PRKAG3: variants seen among roughly 807,000 people sequenced by gnomAD.
PRKAG3 encodes protein kinase AMP-activated non-catalytic subunit gamma 3, also known as 5'-AMP-activated protein kinase subunit gamma-3.
PRKAG3 carries 39 observed loss-of-function variants against 56.5 expected under a neutral mutation model. The ratio of observed to expected loss-of-function variants is 0.69; its 90% CI spans 0.53 to 0.90. The LOEUF (loss-of-function observed/expected upper bound fraction) is 0.90. PRKAG3 is among the 40% of genes least tolerant of loss of function. The probability of loss-of-function intolerance (pLI) is 0.00; values close to 1 mark genes in which losing one functional copy is unlikely to be tolerated. For synonymous variants in PRKAG3, 243 were observed against 250.1 expected, an observed-to-expected ratio of 0.97 and a Z score of 0.27; for missense variants, 628 against 627.5, an observed-to-expected ratio of 1.00 and a Z score of -0.01.
At chr2:218,825,327 C>A (rs145167968) in intron 10 of PRKAG3, among the ~76,000 whole-genome samples, 1 of 139,604 alleles carries the variant, frequency 7.2e-6, no homozygotes, top group African/African-American at 2.9e-5. Flanking sequence ...CAGAGCAAGA[C>A]TCTGTCTCAA....
chr2:218,827,585 G>A lies in PRKAG3; in HGVS notation c.865C>T (p.Pro289Ser). The A allele has an allele frequency of 1.9e-6, 3 of 1,614,030 alleles. No homozygotes were observed. The highest frequency in any genetic ancestry group is 2.5e-6 in the Non-Finnish European group (3 of 1,179,932). ...AGCAGAGACACCCACCTATCATTAG[G>A]AGAGATGGAGACCAGAGGCTTGAAG... Residue 289 changes from proline (P) to serine (S), a missense_variant, in exon 8 of 13, where the codon CCT (proline) becomes TCT (serine). Transcript: ENST00000529249. This position sits in a 1 kb window ranked among gnomAD's most constrained non-coding sequence, Gnocchi z 5.3.
exon 4 of PRKAG3, chr2:218,830,304 C>G: frequency 6.2e-7 from 1 of 1,613,132 alleles, no homozygotes; most frequent in Non-Finnish European, 8.5e-7. Flanking sequence ...CCGGCAGGAT[C>G]AGCTTGAGCC....
intron 10 of PRKAG3, chr2:218,826,636 T>C (rs1943936070): frequency 2.4e-6 from 1 of 408,312 alleles, no homozygotes; most frequent in Admixed American, 3.6e-5. Flanking sequence ...GAAACTAAAA[T>C]CTGCTGCTTC....
chr2:218,826,378 C>T (rs1396600126), intron 10 of PRKAG3, among the ~76,000 whole-genome samples: 1 of 152,152 alleles, frequency 6.6e-6, no homozygotes, highest in Non-Finnish European at 1.5e-5. Flanking sequence ...TTTCTGCAGC[C>T]CTTTTTCAGT....
At chr2:218,825,102 C>T (rs750104928) in intron 10 of PRKAG3, among the ~76,000 whole-genome samples, 1 of 152,020 alleles carries the variant, frequency 6.6e-6, no homozygotes, top group Non-Finnish European at 1.5e-5. Flanking sequence ...CTTGGGAGGC[C>T]GAGGTGGGTG....
chr2:218,824,925 T>G (rs1215368520), intron 10 of PRKAG3, among the ~76,000 whole-genome samples: 2 of 152,202 alleles, frequency 1.3e-5, no homozygotes, highest in African/African-American at 4.8e-5. Context: ...TGGGGTATCC[T>G]ATAGGACAAC....
In PRKAG3 at chr2:218,830,585, A is replaced by T. The variant is rs1021433140; in HGVS notation, c.229+161T>A. On this transcript the variant is annotated intron_variant, in intron 3 of 12. Transcript: ENST00000529249. ...TGGCCATGCTGGCCTCTGGCACTGC[A>T]GTGCCTTGTTCTCTACTATGTAGGG... is the stretch of plus-strand genomic sequence containing the variant. Among the ~76,000 whole-genome samples the T allele has an allele frequency of 5.9e-5, 9 of 152,208 alleles. No individual in the cohort carries two copies. In the East Asian group the frequency reaches 1.5e-3, roughly 26 times the overall value.
chr2:218,824,878 A>C (rs1943908496), intron 10 of PRKAG3, among the ~76,000 whole-genome samples: 1 of 152,216 alleles, frequency 6.6e-6, no homozygotes, highest in Admixed American at 6.5e-5. Context: ...AACAAAGTAA[A>C]GGCCAGCTCT....
chr2:218,829,477 C>A (rs781485309), intron 4 of PRKAG3, among the ~76,000 whole-genome samples: 5 of 151,750 alleles, frequency 3.3e-5, no homozygotes, highest in Non-Finnish European at 5.9e-5. Flanking sequence ...CCCACCACCA[C>A]GGCCGGCTAA....
chr2:218,827,825 C>T lies in PRKAG3; in HGVS notation c.820+8G>A, dbSNP rs747685461. 3 of 1,613,968 alleles carry T rather than the reference C, an allele frequency of 1.9e-6. No homozygotes were observed. Among genetic ancestry groups the T allele is most frequent in the South Asian group, 1.1e-5 (1 of 91,070 alleles). ...AACAGCCCTTTCCGGGTTCCTCTCC[C>T]CACTCACCCCTCCAGGTCTCAATCT... On this transcript the variant is annotated splice_region_variant and intron_variant, in intron 7 of 12. Coordinates refer to ENST00000529249, the Ensembl canonical transcript of PRKAG3. This position sits in a 1 kb window ranked among gnomAD's most constrained non-coding sequence, Gnocchi z 5.3.
exon 4 of PRKAG3, chr2:218,830,159 C>G (rs565420674): frequency 3.7e-6 from 6 of 1,614,146 alleles, no homozygotes; most frequent in Non-Finnish European, 5.1e-6. Flanking sequence ...TTCCAGCAGG[C>G]CTTCTAGCTC....
intron 5 of PRKAG3, 59 bp from the exon 6 acceptor site, chr2:218,828,121 G>C: frequency 6.9e-7 from 1 of 1,449,614 alleles, no homozygotes; most frequent in African/African-American, 1.4e-5. Context: ...GGCAGGTTGA[G>C]GGTCAGATCC....
Position 218,830,911 on chromosome 2 carries a change from G to A in PRKAG3, c.74-10C>T, listed in dbSNP as rs759796844. ...TCTAGGAAGCTCATCTCTGGAAGGG[G>A]AATGGGGCCTGTTTGGTTAATAGGG... On this transcript the variant is annotated splice_polypyrimidine_tract_variant and intron_variant, in intron 2 of 12. Transcript: ENST00000529249. 5 of 1,613,214 alleles carry A rather than the reference G, an allele frequency of 3.1e-6. No homozygotes were observed. The highest frequency in any genetic ancestry group is 4.2e-6 in the Non-Finnish European group (5 of 1,179,762).
chr2:218,823,561 C>T, exon 13 of PRKAG3: 1 of 1,139,292 alleles, frequency 8.8e-7, no homozygotes, highest in Non-Finnish European at 1.2e-6. Context: ...AGCTTGGCCA[C>T]TCCCATCCTC....
chr2:218,825,763 CTTT>C (rs575179216), intron 10 of PRKAG3, among the ~76,000 whole-genome samples: 8,860 of 134,900 alleles, frequency 0.066, 886 homozygotes, highest in African/African-American at 0.22. Context: ...ATAAAATGCA[CTTT>C]TTTTTTTTTT....
intron 1 of PRKAG3, 119 bp downstream of exon 1, chr2:218,831,619 G>A: frequency 7.3e-7 from 1 of 1,375,344 alleles, no homozygotes; most frequent in Non-Finnish European, 1.0e-6. Flanking sequence ...ATATTCACGA[G>A]AAAATCCAGA....
In PRKAG3 at chr2:218,826,919, G is replaced by A. The variant is rs1487271965; in HGVS notation, c.1168+9C>T. The A allele has an allele frequency of 6.2e-7, 1 of 1,613,852 alleles. No individual in the cohort carries two copies. Among genetic ancestry groups the A allele is most frequent in the African/African-American group, 1.3e-5 (1 of 74,918 alleles). On this transcript the variant is annotated intron_variant, in intron 10 of 12. Coordinates refer to ENST00000529249, the Ensembl canonical transcript of PRKAG3. ...CCCAGCCCGAGCCTCTCATCCTGGG[G>A]GTGGGTACCACATTCGTTGACCACA...
chr2:218,831,372 G>A lies in PRKAG3; in HGVS notation c.37C>T (p.Pro13Ser), dbSNP rs777889629. 5.0e-6 allele frequency: 8 copies of A among 1,601,468 alleles called. No individual in the cohort carries two copies. The South Asian group carries it at 9.1e-5, about 18-fold the overall frequency. Residue 13 changes from proline (P) to serine (S), a missense_variant, in exon 2 of 13, where the codon CCT becomes TCT. Transcript: ENST00000529249. Reference sequence around the variant, plus strand: ...GAACCCCCAAGGCTGCTCCAGGAAGGGGTCTGTGGGGAGAAGAGTTTCTGA... The same window carrying A: ...GAACCCCCAAGGCTGCTCCAGGAAGAGGTCTGTGGGGAGAAGAGTTTCTGA...
At chr2:218,823,593 C>T (rs1218200880) in exon 13 of PRKAG3, 1 of 1,441,586 alleles carries the variant, frequency 6.9e-7, no homozygotes, top group Admixed American at 1.8e-5. Context: ...ATCTGAGATC[C>T]AGGAAATCAG....
Sources: gnomAD v4.1 joint callset for allele counts (sites outside exome capture counted in the v4.1 genomes callset) on GRCh38, gnomAD v4.1.1 for gene constraint, Gnocchi (gnomAD v3.1) non-coding constraint, MANE v1.5 for transcripts, NCBI Gene and HGNC (gene_info 2026-07-23, HGNC 2026-07-21) for gene names.